The following FSTL5 variants were observed in gnomAD, a reference collection of about 807,000 sequenced individuals.
The protein encoded by FSTL5 is follistatin-related protein 5.
FSTL5 carries 62 observed loss-of-function variants against 89.1 expected under a neutral mutation model. That is an observed-to-expected ratio of 0.70 (90% confidence interval 0.57 to 0.86). FSTL5 has a LOEUF of 0.86. Among genes scored for constraint, FSTL5 ranks in the 40% least tolerant of loss-of-function variants. FSTL5 has a pLI of 0.00. For missense variants in FSTL5, 1,057 were observed against 1,001.6 expected (o/e 1.06, Z -0.75); for synonymous variants, 383 against 346.2 (o/e 1.11, Z -1.18).
chr4:161,908,460 A>G (rs1256343909), intron 4 of FSTL5, among the ~76,000 whole-genome samples: 1 of 152,110 alleles, frequency 6.6e-6, no homozygotes, highest in Admixed American at 6.6e-5. Context: ...AAGTTAATAT[A>G]TAAATTGTTT....
chr4:162,163,537 C>T (rs1245584329), intron 1 of FSTL5, 78 bp downstream of exon 1: 3 of 150,164 alleles, frequency 2.0e-5, no homozygotes, highest in East Asian at 1.9e-4. Context: ...ATAAGCATAA[C>T]TTGTTTTTAA....
chr4:161,744,347 A>T (rs1008164122), intron 6 of FSTL5, among the ~76,000 whole-genome samples: 9 of 152,132 alleles, frequency 5.9e-5, no homozygotes, highest in African/African-American at 1.7e-4. Context: ...GGTAAAGCCA[A>T]AGCTGAGATG....
intron 6 of FSTL5, among the ~76,000 whole-genome samples, chr4:161,671,400 T>C (rs1737104183): frequency 6.6e-6 from 1 of 152,176 alleles, no homozygotes; most frequent in Non-Finnish European, 1.5e-5. Flanking sequence ...TTGCTGTCTA[T>C]GACTGCGTTC....
intron 1 of FSTL5, among the ~76,000 whole-genome samples, chr4:162,151,380 T>G (rs1470949115): frequency 6.6e-6 from 1 of 152,166 alleles, no homozygotes; most frequent in Non-Finnish European, 1.5e-5. Flanking sequence ...CATTACTGTC[T>G]GTTTAACAGT....
chr4:161,858,129 T>C (rs1731778893), intron 4 of FSTL5, among the ~76,000 whole-genome samples: 1 of 152,060 alleles, frequency 6.6e-6, no homozygotes. Context: ...GCCCTTATAT[T>C]AATAAAAGAG....
At chr4:161,567,597 A>G (rs1409370184) in intron 8 of FSTL5, among the ~76,000 whole-genome samples, 2 of 152,174 alleles carry the variant, frequency 1.3e-5, no homozygotes, top group Non-Finnish European at 2.9e-5. Context: ...TAATTTAAAT[A>G]TCTATGTGTA....
chr4:161,433,762 C>A (rs1334930066), intron 15 of FSTL5, among the ~76,000 whole-genome samples: 1 of 151,878 alleles, frequency 6.6e-6, no homozygotes, highest in Non-Finnish European at 1.5e-5. Flanking sequence ...TATGTGCCAA[C>A]AGCAAACAAT....
chr4:161,493,697 C>T (rs1192391066), intron 12 of FSTL5, among the ~76,000 whole-genome samples: 2 of 152,044 alleles, frequency 1.3e-5, no homozygotes, highest in East Asian at 3.9e-4. Flanking sequence ...TCTAAATAAC[C>T]TTAAACACGT....
intron 5 of FSTL5, among the ~76,000 whole-genome samples, chr4:161,773,807 A>G (rs1303175277): frequency 6.6e-6 from 1 of 152,208 alleles, no homozygotes; most frequent in Non-Finnish European, 1.5e-5. Flanking sequence ...TAAAAATAGA[A>G]CTACCATTTG....
rs370217662 is a variant in FSTL5, at chr4:161,676,049, T to A, written c.728-19555A>T. 7.2e-5 allele frequency among the ~76,000 whole-genome samples: 11 copies of A among 152,248 alleles called. No individual in the cohort carries two copies. The East Asian group carries it at 1.4e-3, about 19-fold the overall frequency. On this transcript the variant is annotated intron_variant, in intron 6 of 15. Transcript: ENST00000306100. ...AATTCTGAATTTGAATTCTGTCACTTGCTAGCTACAGAATGTTAGTTTCAT... is the reference window on the plus strand; with the variant it reads ...AATTCTGAATTTGAATTCTGTCACTAGCTAGCTACAGAATGTTAGTTTCAT...
At chr4:161,559,583 C>G (rs1215039673) in intron 8 of FSTL5, among the ~76,000 whole-genome samples, 1 of 151,972 alleles carries the variant, frequency 6.6e-6, no homozygotes, top group African/African-American at 2.4e-5. Context: ...CCTCTCATTT[C>G]TATCTTACTG....
Position 161,532,298 on chromosome 4 carries a change from C to T in FSTL5, c.1312+5868G>A, listed in dbSNP as rs150737489. ...ATGACAAGTGCTTTATACGTAAGATCGAAACAGAAATCTCTCGATGTATTA... is the reference window on the plus strand; with the variant it reads ...ATGACAAGTGCTTTATACGTAAGATTGAAACAGAAATCTCTCGATGTATTA... On this transcript the variant is annotated intron_variant, in intron 10 of 15. Coordinates refer to ENST00000306100, the MANE Select transcript of FSTL5 (RefSeq NM_020116.5). Among the ~76,000 whole-genome samples the T allele has an allele frequency of 7.9e-3, 1,203 of 151,776 alleles. 20 individuals carry two copies. The highest frequency in any genetic ancestry group is 0.028 in the African/African-American group (1,162 of 41,368).
At chr4:161,929,471 T>G (rs750694099) in intron 3 of FSTL5, among the ~76,000 whole-genome samples, 2 of 151,874 alleles carry the variant, frequency 1.3e-5, no homozygotes, top group South Asian at 2.1e-4. Context: ...CCATATAAAC[T>G]TTAGAATCCG....
chr4:161,923,635 G>A (rs941205545), intron 3 of FSTL5, among the ~76,000 whole-genome samples: 1 of 151,568 alleles, frequency 6.6e-6, no homozygotes. Context: ...TGTTTTAAGA[G>A]TCTGATCATT....
At chr4:161,461,829 T>G (rs1345565393) in intron 13 of FSTL5, among the ~76,000 whole-genome samples, 1 of 152,188 alleles carries the variant, frequency 6.6e-6, no homozygotes, top group Non-Finnish European at 1.5e-5. Flanking sequence ...TTAATCTATG[T>G]GTGAATGTAA....
At chr4:161,931,153 T>A (rs2110894375) in intron 3 of FSTL5, among the ~76,000 whole-genome samples, 1 of 151,994 alleles carries the variant, frequency 6.6e-6, no homozygotes, top group East Asian at 1.9e-4. Context: ...GGAGAGATTA[T>A]GATTATGATT....
At chr4:161,433,403 C>T (rs1732449781) in intron 15 of FSTL5, among the ~76,000 whole-genome samples, 2 of 151,916 alleles carry the variant, frequency 1.3e-5, no homozygotes, top group Admixed American at 1.3e-4. Flanking sequence ...TTAGAGGGAA[C>T]ATACTTCAAC....
chr4:162,082,273 A>G (rs2111336173), intron 2 of FSTL5, among the ~76,000 whole-genome samples: 1 of 151,792 alleles, frequency 6.6e-6, no homozygotes, highest in Middle Eastern at 3.4e-3. Flanking sequence ...CATTGAGTCT[A>G]AATTTTCAAA....
rs78410299 is a variant in FSTL5 at position 161,792,745 on chromosome 4, A to G, written c.410-16671T>C. On this transcript the variant is annotated intron_variant, in intron 4 of 15. Coordinates refer to ENST00000306100, the MANE Select transcript of FSTL5 (RefSeq NM_020116.5). ...CCCACTCCTGTTCTCATCCCCTGAG[A>G]ATTCTGCTGCTGCTCAGTGAAACTC... Among the ~76,000 whole-genome samples, 738 of 152,122 alleles carry G rather than the reference A, an allele frequency of 4.9e-3. 9 individuals are homozygous for G. The highest frequency in any genetic ancestry group is 0.017 in the Middle Eastern group (5 of 294).
Sources: allele counts gnomAD v4.1 joint callset (sites outside exome capture counted in the v4.1 genomes callset), GRCh38; gene constraint gnomAD v4.1.1; transcripts MANE v1.5; gene names NCBI Gene and HGNC (gene_info 2026-07-23, HGNC 2026-07-21).